Variants in SAMD10 observed in about 807,000 individuals in gnomAD.
SAMD10 encodes sterile alpha motif domain containing 10.
In SAMD10, 16 loss-of-function variants were observed where a neutral mutation model predicts 22.5. That is an observed-to-expected ratio of 0.71 (90% CI 0.48 to 1.08). The LOEUF (loss-of-function observed/expected upper bound fraction) is 1.08. Among genes scored for constraint, SAMD10 ranks in the 50% least tolerant of loss-of-function variants. The pLI, the probability that SAMD10 is intolerant of heterozygous loss-of-function variation, is 0.00. For missense variants in SAMD10, 227 were observed against 281.3 expected, an observed-to-expected ratio of 0.81 and a Z score of 1.38; for synonymous variants, 118 against 122.2, an observed-to-expected ratio of 0.97 and a Z score of 0.23.
At position 63,979,301 on chromosome 20, in the gene SAMD10, C is replaced by T. The variant is rs1394847962; in HGVS notation, c.91+76G>A. 4 of 1,138,120 alleles carry T rather than the reference C, an allele frequency of 3.5e-6. 1 individual carries two copies. Among genetic ancestry groups the T allele is most frequent in the Non-Finnish European group, 4.7e-6 (4 of 854,300 alleles). 70.5% of individuals were successfully genotyped at this position (1,138,120 alleles called of 1,614,324 possible). On this transcript the variant is annotated intron_variant, in intron 1 of 4. Coordinates refer to ENST00000369886, the MANE Select transcript of SAMD10 (RefSeq NM_080621.5). The surrounding 1 kb of genome is among the most constrained non-coding windows in gnomAD (Gnocchi z 7.7). ...CCGCCGCTCGAAGCCCGCCGGGTCC[C>T]GCCCCGCCCCCGTGCCTCTGGGTCC...
Position 63,975,548 on chromosome 20 carries a change from G to C in SAMD10, c.587-16C>G, listed in dbSNP as rs758099427. The C allele has an allele frequency of 1.2e-6, 2 of 1,605,008 alleles. No individual in the cohort carries two copies. On this transcript the variant is annotated splice_polypyrimidine_tract_variant and intron_variant, in intron 4 of 4. Transcript: ENST00000369886. ...CCGAAGGAAGCTGTGTGATGGAAGA[G>C]GGTGAGAATGGGGTGGGGTCTTTGG...
Position 63,979,494 on chromosome 20 carries a change from A to G in SAMD10, c.-27T>C. The G allele has an allele frequency of 7.7e-7, 1 of 1,294,944 alleles. No individual in the cohort carries two copies. Among genetic ancestry groups the G allele is most frequent in the Non-Finnish European group, 9.8e-7 (1 of 1,022,354 alleles). 80.2% of individuals were successfully genotyped at this position (1,294,944 alleles called of 1,614,324 possible). ...GGGCCCGCGGGTGCCAGGCCCGCGC[A>G]CACGCCCCTCGCCGAGTGCAGGGCG... On this transcript the variant is annotated 5_prime_UTR_variant, in exon 1 of 5. Coordinates refer to ENST00000369886, the MANE Select transcript of SAMD10 (RefSeq NM_080621.5). This position sits in a 1 kb window ranked among gnomAD's most constrained non-coding sequence, Gnocchi z 7.7.
chr20:63,975,506 G>A lies in SAMD10; in HGVS notation c.*4C>T. The A allele has an allele frequency of 6.2e-7, 1 of 1,609,070 alleles. No homozygotes were observed. Among genetic ancestry groups the A allele is most frequent in the Admixed American group, 1.7e-5 (1 of 58,124 alleles). On this transcript the variant is annotated 3_prime_UTR_variant, in exon 5 of 5. Coordinates refer to ENST00000369886, the MANE Select transcript of SAMD10 (RefSeq NM_080621.5). ...TGGGGTCTGGGTTCAAGCCTCAGCA[G>A]CAGCTAGGACATTTTCCCGAAGGAA...
Position 63,979,451 on chromosome 20 carries a change from C to T in SAMD10, c.17G>A (p.Arg6Lys). 6.9e-7 allele frequency: 1 copy of T among 1,452,478 alleles called. No homozygotes were observed. Among genetic ancestry groups the T allele is most frequent in the Non-Finnish European group, 9.0e-7 (1 of 1,108,598 alleles). 90.0% of individuals were successfully genotyped at this position (1,452,478 alleles called of 1,614,324 possible). A position where few individuals can be genotyped will look rare whatever the true frequency, so the allele number is the denominator to read the frequency against. The change falls in exon 1 of 5, where the codon AGG (arginine) becomes AAG (lysine). Residue 6 changes from arginine to lysine, a missense_variant. Transcript: ENST00000369886. The surrounding 1 kb of genome is among the most constrained non-coding windows in gnomAD (Gnocchi z 7.7). ...GCCACGCGGGGGGCTCAGCTTGGAC[C>T]TCAGCTCGGTGAACATGGGGCCCGC... MFTEL[R>K]SKLSPPRGRA...
chr20:63,976,824 C>A (rs2059026371), intron 3 of SAMD10, 147 bp downstream of exon 3: 29 of 548,080 alleles, frequency 5.3e-5, no homozygotes, highest in Middle Eastern at 5.1e-4. Flanking sequence ...ACAGATTCTG[C>A]GGAGATGAAG....
chr20:63,977,484 C>T lies in SAMD10; in HGVS notation c.92-78G>A, dbSNP rs943154164. ...CTCTACTTGAGAGCTAGCTCCCTGC[C>T]CCATCTCCTCCACACTAGTGCGGGA... is the stretch of plus-strand genomic sequence containing the variant. On this transcript the variant is annotated intron_variant, in intron 1 of 4. Coordinates refer to ENST00000369886, the MANE Select transcript of SAMD10 (RefSeq NM_080621.5). This position sits in a 1 kb window ranked among gnomAD's most constrained non-coding sequence, Gnocchi z 5.4. 3.5e-6 allele frequency: 5 copies of T among 1,416,004 alleles called. No individual in the cohort carries two copies. The African/African-American group carries it at 7.1e-5, about 20-fold the overall frequency. 87.7% of individuals were successfully genotyped at this position (1,416,004 alleles called of 1,614,324 possible).
chr20:63,976,764 CAAAAAAAAAA>C (rs60461303), intron 3 of SAMD10, among the ~76,000 whole-genome samples, 197 bp downstream of exon 3: 1 of 63,894 alleles, frequency 1.6e-5, no homozygotes, highest in African/African-American at 6.7e-5. Flanking sequence ...TCTGTCTCAC[CAAAAAAAAAA>C]AAAAAAAAAA....
In SAMD10 at chr20:63,975,335, A is replaced by C; in HGVS notation, c.*175T>G. 1 of 718,342 alleles carries C rather than the reference A, an allele frequency of 1.4e-6. No individual in the cohort carries two copies. The highest frequency in any genetic ancestry group is 2.3e-6 in the Non-Finnish European group (1 of 440,200). The allele number at this position is 718,342 out of a possible 1,614,324, so 44.5% of individuals were successfully genotyped here. ...ACCCAGCCCCAGGGCACGACCTGGAATGTCCAACCAGAGGCGCCTGGAGGT... is the reference window on the plus strand; with the variant it reads ...ACCCAGCCCCAGGGCACGACCTGGACTGTCCAACCAGAGGCGCCTGGAGGT... On this transcript the variant is annotated 3_prime_UTR_variant, in exon 5 of 5. Transcript: ENST00000369886.
rs1450233798 is a variant in SAMD10, at chr20:63,977,319, C to T, written c.179G>A (p.Gly60Asp). 4 of 1,613,468 alleles carry T rather than the reference C, an allele frequency of 2.5e-6. No homozygotes were observed. The highest frequency in any genetic ancestry group is 2.5e-6 in the Non-Finnish European group (3 of 1,180,008). Residue 60 changes from glycine (G) to aspartate (D), a missense_variant, in exon 2 of 5, where the codon GGC (glycine) becomes GAC (aspartate). Transcript: ENST00000369886. This position sits in a 1 kb window ranked among gnomAD's most constrained non-coding sequence, Gnocchi z 5.4. Reference sequence around the variant, plus strand: ...GGAGTCATGCCACGTGAGGCTGGTGCCAGGTGTCCGAGGCAAGTGGCAGGG... The same window carrying T: ...GGAGTCATGCCACGTGAGGCTGGTGTCAGGTGTCCGAGGCAAGTGGCAGGG... ...SIPCHLPRTP[G>D]TSLTWHDSRS... is the part of the protein sequence containing the mutation.
chr20:63,978,873 G>C (rs1206895504), intron 1 of SAMD10, among the ~76,000 whole-genome samples: 15 of 152,184 alleles, frequency 9.9e-5, no homozygotes, highest in Non-Finnish European at 2.2e-4. Context: ...GAAACCCGTC[G>C]GACTCCTCAG....
chr20:63,978,794 C>G (rs1385732553), intron 1 of SAMD10, among the ~76,000 whole-genome samples: 2 of 152,234 alleles, frequency 1.3e-5, no homozygotes, highest in Non-Finnish European at 1.5e-5. Context: ...AGCGGACAGG[C>G]GCCGTGGTCG....
intron 3 of SAMD10, among the ~76,000 whole-genome samples, chr20:63,976,338 A>G (rs953682151): frequency 1.3e-5 from 2 of 152,118 alleles, no homozygotes; most frequent in African/African-American, 4.8e-5. Context: ...CAGAGGGAGA[A>G]AGAGAATCAG....
Position 63,975,494 on chromosome 20 carries a change from C to T in SAMD10, c.*16G>A. On this transcript the variant is annotated 3_prime_UTR_variant, in exon 5 of 5. Transcript: ENST00000369886. Reference sequence around the variant, plus strand: ...CCATCACAGTGCTGGGGTCTGGGTTCAAGCCTCAGCAGCAGCTAGGACATT... The same window carrying T: ...CCATCACAGTGCTGGGGTCTGGGTTTAAGCCTCAGCAGCAGCTAGGACATT... 1 of 1,610,206 alleles carries T rather than the reference C, an allele frequency of 6.2e-7. No individual in the cohort carries two copies. The highest frequency in any genetic ancestry group is 8.5e-7 in the Non-Finnish European group (1 of 1,178,832).
At chr20:63,976,267 C>T (rs817344) in intron 3 of SAMD10, among the ~76,000 whole-genome samples, 49 of 151,478 alleles carry the variant, frequency 3.2e-4, no homozygotes, top group African/African-American at 1.0e-3. Context: ...GCGGGAAGCA[C>T]GGGCACAGAG....
intron 1 of SAMD10, chr20:63,978,202 G>T: frequency 1.4e-6 from 1 of 730,716 alleles, no homozygotes; most frequent in Non-Finnish European, 2.1e-6. Flanking sequence ...GCATTAAAGT[G>T]TTTCATCTGA....
chr20:63,977,514 A>C lies in SAMD10; in HGVS notation c.92-108T>G. The C allele has an allele frequency of 8.6e-7, 1 of 1,162,256 alleles. No individual in the cohort carries two copies. The highest frequency in any genetic ancestry group is 1.5e-5 in the South Asian group (1 of 68,434). 72.0% of individuals were successfully genotyped at this position (1,162,256 alleles called of 1,614,324 possible). A position where few individuals can be genotyped will look rare whatever the true frequency, so the allele number is the denominator to read the frequency against. On this transcript the variant is annotated intron_variant, in intron 1 of 4. Transcript: ENST00000369886. The surrounding 1 kb of genome is among the most constrained non-coding windows in gnomAD (Gnocchi z 5.4). ...CTCCTCCACACTAGTGCGGGAAATC[A>C]CCTCCCCAATGAGGGGTTCCCAAGC...
At chr20:63,978,111 G>A (rs560810400) in intron 1 of SAMD10, 19 of 367,652 alleles carry the variant, frequency 5.2e-5, no homozygotes, top group Middle Eastern at 1.0e-3. Context: ...GGATATGGGC[G>A]GGTCAGCACA....
At chr20:63,976,174 GAAACAAAC>G (rs753683743) in intron 3 of SAMD10, among the ~76,000 whole-genome samples, 2 of 139,278 alleles carry the variant, frequency 1.4e-5, no homozygotes, top group Middle Eastern at 3.4e-3. Flanking sequence ...CTCCTTCTCA[GAAACAAAC>G]AAACAAACAA....
rs993747158 is a variant in SAMD10, at chr20:63,977,283, C to T, written c.215G>A (p.Arg72Lys). 1 of 1,613,438 alleles carries T rather than the reference C, an allele frequency of 6.2e-7. No homozygotes were observed. Among genetic ancestry groups the T allele is most frequent in the African/African-American group, 1.3e-5 (1 of 75,016 alleles). ...CTTGATTGGCCTGCTGCTGGCCGCC[C>T]TCTGGCTGCGGGAGTCATGCCACGT... ...SLTWHDSRSQRAASSRPIKLL... is the reference protein window; with the variant it reads ...SLTWHDSRSQKAASSRPIKLL... The change falls in exon 2 of 5, where the codon AGG becomes AAG. Residue 72 changes from arginine (R) to lysine (K), a missense_variant. Coordinates refer to ENST00000369886, the MANE Select transcript of SAMD10 (RefSeq NM_080621.5). This position sits in a 1 kb window ranked among gnomAD's most constrained non-coding sequence, Gnocchi z 5.4.
Sources: allele counts gnomAD v4.1 joint callset (sites outside exome capture counted in the v4.1 genomes callset), GRCh38; gene constraint gnomAD v4.1.1; non-coding constraint Gnocchi (gnomAD v3.1); transcripts MANE v1.5; gene names NCBI Gene and HGNC (gene_info 2026-07-23, HGNC 2026-07-21).